The following ZFR2 variants were observed in gnomAD, a reference collection of about 807,000 sequenced individuals.
ZFR2 encodes the protein zinc finger RNA-binding protein 2.
ZFR2 carries 104 observed loss-of-function variants against 105.7 expected under a neutral mutation model. That is an observed-to-expected ratio of 0.98 (90% CI 0.84 to 1.16). The LOEUF is 1.16. Among genes scored for constraint, ZFR2 ranks in the 50% most tolerant of loss-of-function variants. ZFR2 has a pLI of 0.00. For synonymous variants in ZFR2, 634 were observed against 597.7 expected (o/e 1.06, Z -0.89); for missense variants, 1,425 against 1,355.5 (o/e 1.05, Z -0.80).
At chr19:3,868,866 G>A in intron 1 of ZFR2, 99 bp downstream of exon 1, 1 of 1,021,406 alleles carries the variant, frequency 9.8e-7, no homozygotes, top group Non-Finnish European at 1.3e-6. Context: ...CTGGGACTGG[G>A]GCCGGGCCGG....
At chr19:3,842,829 T>C (rs969311948) in intron 1 of ZFR2, among the ~76,000 whole-genome samples, 1 of 152,060 alleles carries the variant, frequency 6.6e-6, no homozygotes, top group Non-Finnish European at 1.5e-5. Flanking sequence ...TTCACCATGT[T>C]GGTCACGCTG....
chr19:3,820,112 CGAG>C (rs1390572709), intron 11 of ZFR2, 67 bp downstream of exon 11: 1 of 1,477,732 alleles, frequency 6.8e-7, no homozygotes, highest in Non-Finnish European at 9.2e-7. Flanking sequence ...CGGGTCCTCC[CGAG>C]GAGGTGTCCG....
chr19:3,814,010 G>A, intron 13 of ZFR2, 52 bp from the exon 14 acceptor site: 4 of 1,605,016 alleles, frequency 2.5e-6, no homozygotes, highest in Non-Finnish European at 3.4e-6. Context: ...CCAGATTCAT[G>A]TGTAAATCAG....
In ZFR2 at chr19:3,834,889, G is replaced by C; in HGVS notation, c.148C>G (p.Pro50Ala). The part of the protein sequence containing the change: ...GMDPAVNPAF[P>A]PAAPAGYGGY... Reference sequence around the variant, plus strand: ...CCGTACCCTGCCGGGGCAGCTGGGGGAAAGGCCGGGTTCACGGCAGGGTCC... The same window carrying C: ...CCGTACCCTGCCGGGGCAGCTGGGGCAAAGGCCGGGTTCACGGCAGGGTCC... The change falls in exon 2 of 19, where the codon CCC becomes GCC. Residue 50 changes from proline to alanine, a missense_variant. Pro to Ala is a conservative substitution (Grantham distance 27). Transcript: ENST00000262961. The surrounding 1 kb of genome is among the most constrained non-coding windows in gnomAD (Gnocchi z 5.3). 1 of 1,611,882 alleles carries C rather than the reference G, an allele frequency of 6.2e-7. No individual in the cohort carries two copies. Among genetic ancestry groups the C allele is most frequent in the Non-Finnish European group, 8.5e-7 (1 of 1,179,082 alleles).
chr19:3,814,378 C>T (rs987852073), intron 13 of ZFR2, among the ~76,000 whole-genome samples: 2 of 152,188 alleles, frequency 1.3e-5, no homozygotes, highest in African/African-American at 4.8e-5. Context: ...AATGAGACGC[C>T]ACCATCTCCT....
In ZFR2 at chr19:3,807,303, C is replaced by T. The variant is rs762116881; in HGVS notation, c.2546-34G>A. Reference sequence around the variant, plus strand: ...CGGGGAGTGGGAACAGCAAAGAAGGCGAGAATGCCCTCGTGAAAGACGGTG... The same window carrying T: ...CGGGGAGTGGGAACAGCAAAGAAGGTGAGAATGCCCTCGTGAAAGACGGTG... On this transcript the variant is annotated intron_variant, in intron 17 of 18. Transcript: ENST00000262961. 35 of 1,482,946 alleles carry T rather than the reference C, an allele frequency of 2.4e-5. No homozygotes were observed. The South Asian group carries it at 2.4e-4, about 10-fold the overall frequency. The allele number at this position is 1,482,946 out of a possible 1,614,324, so 91.9% of individuals were successfully genotyped here.
At chr19:3,822,804 C>T (rs549709735) in intron 8 of ZFR2, among the ~76,000 whole-genome samples, 16 of 152,302 alleles carry the variant, frequency 1.1e-4, no homozygotes, top group Non-Finnish European at 1.5e-4. Flanking sequence ...TCTGAACTGC[C>T]GCTGGCCTGG....
chr19:3,809,016 T>C (rs1027031139), intron 16 of ZFR2, 33 bp from the exon 17 acceptor site: 1 of 1,499,096 alleles, frequency 6.7e-7, no homozygotes, highest in Admixed American at 2.2e-5. Context: ...TGCTGTGTTT[T>C]GGGCGCGCGG....
At chr19:3,849,203 G>A (rs942146537) in intron 1 of ZFR2, among the ~76,000 whole-genome samples, 1 of 151,966 alleles carries the variant, frequency 6.6e-6, no homozygotes, top group African/African-American at 2.4e-5. Context: ...TGAACCTCAG[G>A]TGGAAGGCTG....
chr19:3,847,718 CGTT>C (rs2038197358), intron 1 of ZFR2, among the ~76,000 whole-genome samples: 1 of 152,172 alleles, frequency 6.6e-6, no homozygotes, highest in African/African-American at 2.4e-5. Context: ...GACTGCCTCA[CGTT>C]GTTTCCAATC....
rs1194273253 is a variant in ZFR2, at chr19:3,834,124, G to A, written c.265-346C>T. 6.6e-6 allele frequency among the ~76,000 whole-genome samples: 1 copy of A among 152,208 alleles called. No individual in the cohort carries two copies. Among genetic ancestry groups the A allele is most frequent in the Non-Finnish European group, 1.5e-5 (1 of 68,036 alleles). On this transcript the variant is annotated intron_variant, in intron 2 of 18. Coordinates refer to ENST00000262961, the MANE Select transcript of ZFR2 (RefSeq NM_015174.2). The surrounding 1 kb of genome is among the most constrained non-coding windows in gnomAD (Gnocchi z 5.3). ...GAAATGGAGAGGGGAGGAAGAGGGTGGGGTCAGGTGGGTGCTGAGCTTGAG... is the reference window on the plus strand; with the variant it reads ...GAAATGGAGAGGGGAGGAAGAGGGTAGGGTCAGGTGGGTGCTGAGCTTGAG...
chr19:3,822,428 T>A (rs557761524), intron 8 of ZFR2, among the ~76,000 whole-genome samples: 1 of 149,414 alleles, frequency 6.7e-6, no homozygotes, highest in East Asian at 2.2e-4. Flanking sequence ...TCCTCCCACC[T>A]CAGCCTCCCG....
chr19:3,846,333 T>C (rs764872111), intron 1 of ZFR2, among the ~76,000 whole-genome samples: 7 of 152,288 alleles, frequency 4.6e-5, no homozygotes, highest in Non-Finnish European at 7.4e-5. Context: ...GCAGAACCCA[T>C]GGATAGGGAG....
chr19:3,819,136 C>A lies in ZFR2; in HGVS notation c.1840G>T (p.Val614Leu). Residue 614 changes from valine to leucine, a missense_variant, in exon 12 of 19, where the codon GTG becomes TTG. By Grantham distance (32) the Val-to-Leu change is conservative. Transcript: ENST00000262961. The part of the protein sequence containing the change: ...EQELLAVQRA[V>L]SHAERALKLV... The stretch of plus-strand genomic sequence containing the variant: ...TTGAGGGCCCGCTCTGCGTGGGACA[C>A]GGCCCTCTGCACGGCCAGGAGCTCC... The A allele has an allele frequency of 1.2e-6, 2 of 1,609,862 alleles. No individual in the cohort carries two copies. Among genetic ancestry groups the A allele is most frequent in the Non-Finnish European group, 8.5e-7 (1 of 1,179,346 alleles).
At position 3,813,788 on chromosome 19, in the gene ZFR2, G is replaced by T. The variant is rs755135272; in HGVS notation, c.2242+32C>A. The T allele has an allele frequency of 7.4e-6, 12 of 1,611,646 alleles. No homozygotes were observed. Among genetic ancestry groups the T allele is most frequent in the East Asian group, 2.2e-5 (1 of 44,852 alleles). Reference sequence around the variant, plus strand: ...GAGCGCCCTGGGGAAGCGTGAGGGGGACAGTGGTTGGAAGGAAGGGCTGGG... The same window carrying T: ...GAGCGCCCTGGGGAAGCGTGAGGGGTACAGTGGTTGGAAGGAAGGGCTGGG... On this transcript the variant is annotated intron_variant, in intron 14 of 18. Coordinates refer to ENST00000262961, the MANE Select transcript of ZFR2 (RefSeq NM_015174.2). This position sits in a 1 kb window ranked among gnomAD's most constrained non-coding sequence, Gnocchi z 4.4.
chr19:3,844,874 G>A (rs565356116), intron 1 of ZFR2, among the ~76,000 whole-genome samples: 4 of 152,108 alleles, frequency 2.6e-5, no homozygotes, highest in Admixed American at 6.6e-5. Flanking sequence ...GCCCACTCCC[G>A]GGGGACTCAG....
intron 17 of ZFR2, among the ~76,000 whole-genome samples, chr19:3,808,110 C>T (rs1440304612): frequency 7.0e-6 from 1 of 142,476 alleles, no homozygotes; most frequent in Non-Finnish European, 1.5e-5. Context: ...TATGTGTGCT[C>T]ATATCCATAT....
intron 5 of ZFR2, among the ~76,000 whole-genome samples, chr19:3,829,731 C>T (rs2037991025): frequency 6.6e-6 from 1 of 151,696 alleles, no homozygotes; most frequent in African/African-American, 2.4e-5. Context: ...CCAGGCTGGT[C>T]TCGAACTCCT....
At chr19:3,854,118 C>T (rs2038271594) in intron 1 of ZFR2, among the ~76,000 whole-genome samples, 1 of 148,980 alleles carries the variant, frequency 6.7e-6, no homozygotes, top group African/African-American at 2.5e-5. Flanking sequence ...AGGCAGGGCA[C>T]AGTGGCCTAC....
Sources: allele counts gnomAD v4.1 joint callset (sites outside exome capture counted in the v4.1 genomes callset), GRCh38; gene constraint gnomAD v4.1.1; non-coding constraint Gnocchi (gnomAD v3.1); transcripts MANE v1.5; gene names NCBI Gene and HGNC (gene_info 2026-07-23, HGNC 2026-07-21).